Variants in TAAR5 observed in about 807,000 individuals in gnomAD.
TAAR5 encodes trace amine associated receptor 5, also known as trace amine-associated receptor 5.
Under a neutral mutation model 21.1 loss-of-function variants are expected in TAAR5, and 27 were observed. The observed-to-expected ratio is 1.28, with a 90% CI of 0.94 to 1.76. The LOEUF (loss-of-function observed/expected upper bound fraction) is 1.76, where lower values mean the gene tolerates loss of function less well. Ranked by LOEUF, TAAR5 falls within the 40% of genes most tolerant of loss-of-function variation. TAAR5 has a pLI of 0.00. For synonymous variants in TAAR5, 203 were observed against 167.5 expected, an observed-to-expected ratio of 1.21 and a Z score of -1.64; for missense variants, 495 against 405.6, an observed-to-expected ratio of 1.22 and a Z score of -1.89.
chr6:132,610,151 G>T, the TAAR5 span, among the ~76,000 whole-genome samples: 1 of 152,288 alleles, frequency 6.6e-6, no homozygotes, highest in South Asian at 2.1e-4. Context: ...ATAAAGGAGG[G>T]TGGACAAATG....
Position 132,588,662 on chromosome 6 carries a change from A to G in TAAR5, c.*11T>C, listed in dbSNP as rs1457358545. 2.6e-5 allele frequency: 41 copies of G among 1,599,992 alleles called. No homozygotes were observed. The highest frequency in any genetic ancestry group is 3.2e-5 in the Non-Finnish European group (38 of 1,171,812). On this transcript the variant is annotated 3_prime_UTR_variant, in exon 1 of 1. Transcript: ENST00000258034. Reference sequence around the variant, plus strand: ...GAGGTCCTACTCCTTGCCTGCATTTAGTAGAAGGAATCATTCTTGGTACAA... The same window carrying G: ...GAGGTCCTACTCCTTGCCTGCATTTGGTAGAAGGAATCATTCTTGGTACAA...
At chr6:132,603,091 C>A in the TAAR5 span, among the ~76,000 whole-genome samples, 7,879 of 151,644 alleles carry the variant, frequency 0.052, 304 homozygotes, top group African/African-American at 0.11. Context: ...TTGCTTGAGC[C>A]CAGGAGTTCG....
At chr6:132,604,999 C>A in the TAAR5 span, among the ~76,000 whole-genome samples, 2 of 152,290 alleles carry the variant, frequency 1.3e-5, no homozygotes, top group East Asian at 3.9e-4. Flanking sequence ...ACACAACCAG[C>A]CCCAGGGCAA....
chr6:132,606,339 A>T, the TAAR5 span, among the ~76,000 whole-genome samples: 1 of 152,222 alleles, frequency 6.6e-6, no homozygotes, highest in Admixed American at 6.5e-5. Context: ...AGGAACTGAA[A>T]AGAAGCCACA....
chr6:132,605,851 C>T, the TAAR5 span, among the ~76,000 whole-genome samples: 87 of 140,602 alleles, frequency 6.2e-4, no homozygotes, highest in Non-Finnish European at 9.2e-5. Context: ...GACATGGAAT[C>T]AACCCAGGTG....
chr6:132,602,467 C>T, the TAAR5 span, among the ~76,000 whole-genome samples: 1 of 152,104 alleles, frequency 6.6e-6, no homozygotes, highest in African/African-American at 2.4e-5. Context: ...GGTTCATGCT[C>T]CTGTGAGAAT....
upstream of TAAR5, chr6:132,589,757 AAAAAAAAAAAAAAAAAAAAT>A: frequency 6.4e-6 from 6 of 934,830 alleles, no homozygotes; most frequent in Middle Eastern, 3.6e-4. Context: ...AAAAAAAAAA[AAAAAAAAAAAAAAAAAAAAT>A]ATGTCTGCTA....
At chr6:132,592,794 G>A (rs1017614733), upstream of TAAR5, among the ~76,000 whole-genome samples, 1 of 152,088 alleles carries the variant, frequency 6.6e-6, no homozygotes, top group African/African-American at 2.4e-5. Context: ...AGAACCATAA[G>A]CCAGTTAACT....
the TAAR5 span, among the ~76,000 whole-genome samples, chr6:132,612,327 A>G: frequency 6.6e-6 from 1 of 152,238 alleles, no homozygotes; most frequent in South Asian, 2.1e-4. Context: ...TTACTGCTTT[A>G]AAAATATCTG....
the TAAR5 span, among the ~76,000 whole-genome samples, chr6:132,603,925 TA>T: frequency 7.3e-6 from 1 of 136,978 alleles, no homozygotes; most frequent in South Asian, 2.3e-4. Flanking sequence ...TGAAAGGTGT[TA>T]AAAGTTGCTA....
upstream of TAAR5, among the ~76,000 whole-genome samples, chr6:132,589,846 A>T (rs75667469): frequency 6.7e-3 from 1,010 of 150,886 alleles, 13 homozygotes; most frequent in African/African-American, 0.023. Flanking sequence ...AACATAGTAC[A>T]GTGCCCCTGG....
chr6:132,589,571 A>G lies in TAAR5; in HGVS notation c.116T>C (p.Leu39Pro), dbSNP rs111404356. 7.1e-5 allele frequency: 114 copies of G among 1,614,034 alleles called. No individual in the cohort carries two copies. The African/African-American group carries it at 1.2e-3, about 17-fold the overall frequency. Residue 39 changes from leucine (L) to proline (P), a missense_variant, in exon 1 of 1, where the codon CTG (leucine) becomes CCG (proline). Transcript: ENST00000258034. ...AATCAGCATGCCTGCTGCACAGGCC[A>G]GGTAGATGACCAACTGGATGCCCAG... is the stretch of plus-strand genomic sequence containing the variant. ...HTLGIQLVIY[L>P]ACAAGMLIIV...
chr6:132,614,823 T>A, the TAAR5 span, among the ~76,000 whole-genome samples: 22 of 152,222 alleles, frequency 1.4e-4, no homozygotes, highest in African/African-American at 5.3e-4. Context: ...TGAAATACCC[T>A]GGGTTTTTTG....
the TAAR5 span, among the ~76,000 whole-genome samples, chr6:132,610,533 G>A: frequency 6.6e-6 from 1 of 152,184 alleles, no homozygotes; most frequent in Non-Finnish European, 1.5e-5. Context: ...CAAGGTGCTA[G>A]AAGTTCCCTT....
In TAAR5 at chr6:132,589,516, A is replaced by G; in HGVS notation, c.171T>C (p.Phe57=). 6.2e-7 allele frequency: 1 copy of G among 1,614,060 alleles called. No homozygotes were observed. The highest frequency in any genetic ancestry group is 2.2e-5 in the East Asian group (1 of 44,866). ...IIVLGNVFVA[F]AVSYFKALHT... is the part of the protein sequence containing the mutation. ...GAAGCGCTTTGAAGTAGGACACAGC[A>G]AATGCCACAAATACATTCCCTAGCA... is the stretch of plus-strand genomic sequence containing the variant. Residue 57 remains phenylalanine (F), a synonymous_variant, in exon 1 of 1, where the codon TTT becomes TTC. Transcript: ENST00000258034.
chr6:132,594,653 G>T (rs1241874400), upstream of TAAR5: 1 of 152,124 alleles, frequency 6.6e-6, no homozygotes, highest in Non-Finnish European at 1.5e-5. Context: ...TATGCCTAAG[G>T]TCCTGGTGGC....
the TAAR5 span, among the ~76,000 whole-genome samples, chr6:132,596,734 G>T: frequency 6.6e-6 from 1 of 152,036 alleles, no homozygotes; most frequent in African/African-American, 2.4e-5. Flanking sequence ...GAAATAAAAT[G>T]TAAGAAGAAC....
the TAAR5 span, among the ~76,000 whole-genome samples, chr6:132,615,176 A>AT: frequency 6.6e-6 from 1 of 151,844 alleles, no homozygotes; most frequent in African/African-American, 2.4e-5. Flanking sequence ...AGTTTGTTTT[A>AT]TTTTTTTCCA....
chr6:132,603,977 A>G, the TAAR5 span, among the ~76,000 whole-genome samples: 1 of 152,086 alleles, frequency 6.6e-6, no homozygotes, highest in African/African-American at 2.4e-5. Context: ...AGTTATAATC[A>G]TAAGTTAAAG....
Sources: gnomAD v4.1 joint callset for allele counts (sites outside exome capture counted in the v4.1 genomes callset) on GRCh38, gnomAD v4.1.1 for gene constraint, MANE v1.5 for transcripts, NCBI Gene and HGNC (gene_info 2026-07-23, HGNC 2026-07-21) for gene names.